PDE1A: variants seen among roughly 807,000 people sequenced by gnomAD.
PDE1A encodes the protein phosphodiesterase 1A.
A neutral mutation model predicts 61.7 loss-of-function variants in PDE1A; 35 were observed. The observed-to-expected ratio is 0.57, with a 90% CI of 0.43 to 0.75. The LOEUF (loss-of-function observed/expected upper bound fraction) is 0.75, where lower values mean the gene tolerates loss of function less well. Among genes scored for constraint, PDE1A ranks in the 30% least tolerant of loss-of-function variants. The pLI is 0.00. For synonymous variants in PDE1A, 232 were observed against 213.2 expected (o/e 1.09, Z -0.77); for missense variants, 597 against 630.6 (o/e 0.95, Z 0.57).
intron 1 of PDE1A, among the ~76,000 whole-genome samples, chr2:182,387,040 T>G (rs1417062447): frequency 6.6e-6 from 1 of 152,192 alleles, no homozygotes; most frequent in East Asian, 1.9e-4. Context: ...TGGAAAGAAG[T>G]AGACATGGGA....
chr2:182,243,982 C>T (rs1690759126), intron 2 of PDE1A, among the ~76,000 whole-genome samples: 1 of 152,166 alleles, frequency 6.6e-6, no homozygotes, highest in African/African-American at 2.4e-5. Context: ...ATTCTCCTGC[C>T]TCAGCCTCCT....
Position 182,501,707 on chromosome 2 carries a change from G to A in PDE1A, c.101+20569C>T, listed in dbSNP as rs74347771. Among the ~76,000 whole-genome samples, 1,231 of 152,140 alleles carry A rather than the reference G, an allele frequency of 8.1e-3. 31 individuals are homozygous for A. Among genetic ancestry groups the A allele is most frequent in the East Asian group, 0.067 (344 of 5,160 alleles). ...TGCCCTATTCTAGCAATTCATTACC[G>A]TCTTCTCTACCACCAATTCATTGAC... is the stretch of plus-strand genomic sequence containing the variant. On this transcript the variant is annotated intron_variant, in intron 2 of 14. Transcript: ENST00000410103.
chr2:182,412,058 GA>G (rs59999610), intron 1 of PDE1A, among the ~76,000 whole-genome samples: 93,777 of 131,728 alleles, frequency 0.71, 32,571 homozygotes, highest in East Asian at 0.95. Flanking sequence ...ACTCCATCTC[GA>G]AAAAAAAAAA....
chr2:182,627,753 G>C, the PDE1A span, among the ~76,000 whole-genome samples: 2 of 151,674 alleles, frequency 1.3e-5, no homozygotes, highest in Admixed American at 1.3e-4. Flanking sequence ...GACCAGGCTG[G>C]CCAAACTTGT....
chr2:182,144,335 A>T (rs1574485381), downstream of PDE1A, among the ~76,000 whole-genome samples: 1 of 152,370 alleles, frequency 6.6e-6, no homozygotes, highest in Admixed American at 6.5e-5. Flanking sequence ...TAAATAATAA[A>T]GCAGCCTGGG....
intron 1 of PDE1A, among the ~76,000 whole-genome samples, chr2:182,277,265 G>A (rs1448068599): frequency 3.3e-5 from 5 of 151,976 alleles, no homozygotes; most frequent in Admixed American, 6.6e-5. Flanking sequence ...CTACTGATAT[G>A]TGATGTCACC....
At chr2:182,596,377 CAT>C in the PDE1A span, among the ~76,000 whole-genome samples, 15 of 152,174 alleles carry the variant, frequency 9.9e-5, no homozygotes, top group Middle Eastern at 3.2e-3. Flanking sequence ...CTGAGGCACA[CAT>C]GAGACATACC....
the PDE1A span, among the ~76,000 whole-genome samples, chr2:182,552,682 G>T: frequency 1.3e-5 from 2 of 152,102 alleles, no homozygotes; most frequent in Non-Finnish European, 2.9e-5. Context: ...GCAAAAACAG[G>T]AGGTAAAGAA....
At chr2:182,671,897 G>A in the PDE1A span, among the ~76,000 whole-genome samples, 1 of 151,968 alleles carries the variant, frequency 6.6e-6, no homozygotes, top group African/African-American at 2.4e-5. Context: ...GGGATTACAG[G>A]CTTGAGCCAC....
At chr2:182,448,332 A>AT (rs11442872) in intron 2 of PDE1A, among the ~76,000 whole-genome samples, 99,762 of 151,156 alleles carry the variant, frequency 0.66, 33,124 homozygotes, top group East Asian at 0.92. Context: ...TATCATTTAG[A>AT]TTTTTTTTTG....
chr2:182,374,895 T>C (rs946967340), intron 1 of PDE1A, among the ~76,000 whole-genome samples: 13 of 152,268 alleles, frequency 8.5e-5, no homozygotes, highest in Admixed American at 2.0e-4. Flanking sequence ...CTCACAATCA[T>C]GGTGGAAGGC....
chr2:182,696,128 T>C, the PDE1A span, among the ~76,000 whole-genome samples: 14 of 152,184 alleles, frequency 9.2e-5, no homozygotes, highest in African/African-American at 3.1e-4. Context: ...CTCAAAGGAG[T>C]TGAAAACTTA....
At chr2:182,703,998 C>T in the PDE1A span, among the ~76,000 whole-genome samples, 4 of 150,408 alleles carry the variant, frequency 2.7e-5, no homozygotes, top group Non-Finnish European at 5.9e-5. Flanking sequence ...GTTAGGAGTT[C>T]GAGACAAGCC....
chr2:182,585,140 C>T, the PDE1A span, among the ~76,000 whole-genome samples: 1 of 152,188 alleles, frequency 6.6e-6, no homozygotes, highest in African/African-American at 2.4e-5. Context: ...TCAGCTCTAA[C>T]TCTCATGTAT....
intron 1 of PDE1A, among the ~76,000 whole-genome samples, chr2:182,291,539 T>C (rs1032121661): frequency 6.6e-6 from 1 of 152,180 alleles, no homozygotes; most frequent in Non-Finnish European, 1.5e-5. Flanking sequence ...TGGTTGTAAC[T>C]ATTTATCTCT....
intron 2 of PDE1A, among the ~76,000 whole-genome samples, chr2:182,522,050 T>C (rs1019300940): frequency 6.6e-6 from 1 of 152,136 alleles, no homozygotes; most frequent in Admixed American, 6.6e-5. Context: ...CCATGTAATA[T>C]GACAGTAAAG....
At chr2:182,239,068 GCA>G (rs1373389593) in intron 3 of PDE1A, among the ~76,000 whole-genome samples, 4 of 152,008 alleles carry the variant, frequency 2.6e-5, no homozygotes, top group Admixed American at 2.6e-4. Context: ...TCTTTAAATT[GCA>G]CAGTGTATTT....
chr2:182,417,170 A>C (rs909614946), intron 1 of PDE1A, among the ~76,000 whole-genome samples: 1 of 152,224 alleles, frequency 6.6e-6, no homozygotes, highest in African/African-American at 2.4e-5. Context: ...AGACTTTCCC[A>C]AACACTTTAT....
At chr2:182,155,105 A>G in intron 13 of PDE1A, among the ~76,000 whole-genome samples, 1 of 131,398 alleles carries the variant, frequency 7.6e-6, no homozygotes, top group South Asian at 2.5e-4. Context: ...TTTTTTTTTA[A>G]GAGAGGGTCC....
Sources: allele counts gnomAD v4.1 joint callset (sites outside exome capture counted in the v4.1 genomes callset), GRCh38; gene constraint gnomAD v4.1.1; transcripts MANE v1.5; gene names NCBI Gene and HGNC (gene_info 2026-07-23, HGNC 2026-07-21).